Variants in CFAP57 observed in about 807,000 individuals in gnomAD.
The protein encoded by CFAP57 is cilia- and flagella-associated protein 57.
CFAP57 carries 116 observed loss-of-function variants against 146.8 expected under a neutral mutation model. That is an observed-to-expected ratio of 0.79 (90% CI 0.68 to 0.92). CFAP57 has a LOEUF of 0.92. Among genes scored for constraint, CFAP57 ranks in the 40% least tolerant of loss-of-function variants. The probability of loss-of-function intolerance (pLI) is 0.00; values close to 1 mark genes in which losing one functional copy is unlikely to be tolerated. For missense variants in CFAP57, 1,377 were observed against 1,527.2 expected (o/e 0.90, Z 1.64); for synonymous variants, 518 against 552.8 (o/e 0.94, Z 0.88).
Position 43,232,571 on chromosome 1 carries a change from T to C in CFAP57, c.3073T>C (p.Leu1025=), listed in dbSNP as rs1001670733. The C allele has an allele frequency of 6.5e-7, 1 of 1,549,720 alleles. No homozygotes were observed. Among genetic ancestry groups the C allele is most frequent in the African/African-American group, 1.4e-5 (1 of 73,160 alleles). The change falls in exon 19 of 23, where the codon TTG becomes CTG. Residue 1025 remains leucine, a synonymous_variant. Coordinates refer to ENST00000372492, the MANE Select transcript of CFAP57 (RefSeq NM_001378189.1). ...TCAACTGGAGCTGAACATCACAGAATTGTGGCAGAAACTGAGAGCCACCGA... is the reference window on the plus strand; with the variant it reads ...TCAACTGGAGCTGAACATCACAGAACTGTGGCAGAAACTGAGAGCCACCGA... ...NTQLELNITE[L]WQKLRATDQE... is the part of the protein sequence containing the mutation.
chr1:43,177,806 C>T (rs576297660), intron 2 of CFAP57, among the ~76,000 whole-genome samples: 18 of 152,174 alleles, frequency 1.2e-4, no homozygotes, highest in Admixed American at 2.0e-4. Flanking sequence ...AATCTAATGC[C>T]GCCACTGATC....
chr1:43,199,182 GT>G (rs1417819536), intron 8 of CFAP57, among the ~76,000 whole-genome samples: 1 of 152,138 alleles, frequency 6.6e-6, no homozygotes, highest in Non-Finnish European at 1.5e-5. Context: ...GCCTGACAGT[GT>G]CAGCATCTGG....
intron 2 of CFAP57, among the ~76,000 whole-genome samples, chr1:43,174,545 T>C (rs11210800): frequency 0.2 from 30,761 of 152,166 alleles, 3,618 homozygotes; most frequent in Middle Eastern, 0.3. Context: ...TGGCCAGGTG[T>C]GGTGGCTCAT....
chr1:43,209,676 G>A (rs1644509845), intron 10 of CFAP57, 67 bp from the exon 11 acceptor site: 3 of 1,476,006 alleles, frequency 2.0e-6, no homozygotes, highest in Non-Finnish European at 2.8e-6. Flanking sequence ...GGGCGAGAGA[G>A]TATGGCACTG....
chr1:43,213,041 C>G (rs544952179), intron 11 of CFAP57, among the ~76,000 whole-genome samples: 52 of 152,230 alleles, frequency 3.4e-4, no homozygotes, highest in African/African-American at 1.3e-3. Context: ...AACCCATACA[C>G]TCTTCCCTAG....
At chr1:43,248,445 G>A (rs919971012) in intron 22 of CFAP57, among the ~76,000 whole-genome samples, 7 of 149,720 alleles carry the variant, frequency 4.7e-5, no homozygotes, top group Non-Finnish European at 7.4e-5. Flanking sequence ...AGCCTCCCTC[G>A]TAGCTGGGAC....
At chr1:43,190,175 A>G (rs990958148) in intron 6 of CFAP57, among the ~76,000 whole-genome samples, 6 of 151,690 alleles carry the variant, frequency 4.0e-5, no homozygotes, top group Admixed American at 2.6e-4. Flanking sequence ...CCTAGTTGCC[A>G]TGGCTAGAAC....
At chr1:43,250,099 C>T (rs896107555) in intron 22 of CFAP57, 4 of 152,258 alleles carry the variant, frequency 2.6e-5, no homozygotes, top group Non-Finnish European at 5.9e-5. Context: ...TTTCACCTAA[C>T]GTATGAGTGC....
intron 11 of CFAP57, chr1:43,210,346 C>T (rs1450538367): frequency 7.4e-7 from 1 of 1,358,886 alleles, no homozygotes; most frequent in African/African-American, 1.5e-5. Context: ...CATGAGTACA[C>T]ATTTGTAAAT....
chr1:43,222,829 G>A lies in CFAP57; in HGVS notation c.2538G>A (p.Gln846=). The change falls in exon 16 of 23, where the codon CAG becomes CAA. Residue 846 remains glutamine, a synonymous_variant. Transcript: ENST00000372492. ...QEKTTLLEEA[Q]EDVRQQLREF... Reference sequence around the variant, plus strand: ...GCCCACTCTCTCTGAGCCAGGCACAGGAAGACGTCAGGCAGCAGCTGCGGG... The same window carrying A: ...GCCCACTCTCTCTGAGCCAGGCACAAGAAGACGTCAGGCAGCAGCTGCGGG... 1 of 1,541,728 alleles carries A rather than the reference G, an allele frequency of 6.5e-7. No individual in the cohort carries two copies.
Position 43,200,283 on chromosome 1 carries a change from C to T in CFAP57, c.1542+780C>T, listed in dbSNP as rs185294807. Among the ~76,000 whole-genome samples, 312 of 151,896 alleles carry T rather than the reference C, an allele frequency of 2.1e-3. 1 individual carries two copies. The highest frequency in any genetic ancestry group is 2.8e-3 in the Non-Finnish European group (193 of 67,938). On this transcript the variant is annotated intron_variant, in intron 9 of 22. Transcript: ENST00000372492. ...GGAGGATCGCTTGCACTCAGGAGTT[C>T]GAGACTAGCCTGGGCAACATAAGGA...
intron 22 of CFAP57, among the ~76,000 whole-genome samples, chr1:43,246,792 C>T (rs897971686): frequency 3.3e-5 from 5 of 152,078 alleles, no homozygotes; most frequent in African/African-American, 7.2e-5. Flanking sequence ...ATTTTGTTTT[C>T]GAGTACATAC....
In CFAP57 at chr1:43,209,073, A is replaced by G. The variant is rs376633944; in HGVS notation, c.1756-670A>G. ...GTATTATTTATCTCTTACTGGACCT[A>G]ATTTATAAATTAAACCATATCATAG... On this transcript the variant is annotated intron_variant, in intron 10 of 22. Coordinates refer to ENST00000372492, the MANE Select transcript of CFAP57 (RefSeq NM_001378189.1). 1.4e-4 allele frequency among the ~76,000 whole-genome samples: 22 copies of G among 152,308 alleles called. No individual in the cohort carries two copies. The East Asian group carries it at 1.5e-3, about 11-fold the overall frequency.
At chr1:43,202,790 A>C (rs1644186123) in intron 9 of CFAP57, among the ~76,000 whole-genome samples, 1 of 143,342 alleles carries the variant, frequency 7.0e-6, no homozygotes, top group African/African-American at 2.8e-5. Context: ...CTCAAAAAAA[A>C]AACAAAATGA....
intron 17 of CFAP57, 122 bp downstream of exon 17, chr1:43,224,326 A>C (rs1570224039): frequency 8.6e-7 from 1 of 1,167,222 alleles, no homozygotes. Context: ...TGATGGGGGA[A>C]CCAGCCGTCA....
Position 43,215,458 on chromosome 1 carries a change from C to A in CFAP57, c.2091+42C>A, listed in dbSNP as rs186148571. ...ATGAAGAGGGATATGGAATTACTTA[C>A]CAGACTGCATTCAGATGCAGGTCCA... On this transcript the variant is annotated intron_variant, in intron 12 of 22. Transcript: ENST00000372492. The A allele has an allele frequency of 1.4e-4, 211 of 1,535,028 alleles. 1 individual carries two copies. The highest frequency in any genetic ancestry group is 5.3e-6 in the Non-Finnish European group (6 of 1,137,308).
At chr1:43,173,785 A>G (rs1292979348) in intron 2 of CFAP57, among the ~76,000 whole-genome samples, 1 of 152,246 alleles carries the variant, frequency 6.6e-6, no homozygotes, top group African/African-American at 2.4e-5. Flanking sequence ...TCTTGCATGC[A>G]TATACATTCA....
At chr1:43,233,378 A>G (rs917997369) in intron 19 of CFAP57, among the ~76,000 whole-genome samples, 6 of 152,168 alleles carry the variant, frequency 3.9e-5, no homozygotes, top group African/African-American at 1.4e-4. Context: ...AGTCCTAGCT[A>G]ACTGGGAGAC....
At chr1:43,207,754 C>T (rs984310309) in intron 10 of CFAP57, among the ~76,000 whole-genome samples, 6 of 152,314 alleles carry the variant, frequency 3.9e-5, no homozygotes, top group East Asian at 1.9e-4. Context: ...GCTGTGCGCT[C>T]CTCCAGCTGG....
Sources: gnomAD v4.1 joint callset for allele counts (sites outside exome capture counted in the v4.1 genomes callset) on GRCh38, gnomAD v4.1.1 for gene constraint, MANE v1.5 for transcripts, NCBI Gene and HGNC (gene_info 2026-07-23, HGNC 2026-07-21) for gene names.